COL11A2: variants seen among roughly 807,000 people sequenced by gnomAD.
COL11A2 encodes collagen type XI alpha 2 chain.
Under a neutral mutation model 273.4 loss-of-function variants are expected in COL11A2, and 116 were observed. The observed-to-expected ratio is 0.42, with a 90% CI of 0.36 to 0.49. COL11A2 has a LOEUF of 0.49. COL11A2 is among the 20% of genes least tolerant of loss of function. The pLI, the probability that COL11A2 is intolerant of heterozygous loss-of-function variation, is 0.00. For synonymous variants in COL11A2, 782 were observed against 864.2 expected (o/e 0.90, Z 1.67); for missense variants, 1,866 against 2,309.0 (o/e 0.81, Z 3.93).
Position 33,176,252 on chromosome 6 carries a change from T to G in COL11A2, c.2214+7A>C, listed in dbSNP as rs752340443. ...AGGTGCTGGGAAGCTGGGGGCATGG[T>G]GCTCACCTTCTCACCCTTATGACCC... On this transcript the variant is annotated splice_region_variant and intron_variant, in intron 28 of 65. Coordinates refer to ENST00000341947, the MANE Select transcript of COL11A2 (RefSeq NM_080680.3). This position sits in a 1 kb window ranked among gnomAD's most constrained non-coding sequence, Gnocchi z 4.9. 1 of 1,608,234 alleles carries G rather than the reference T, an allele frequency of 6.2e-7. No homozygotes were observed.
Position 33,169,045 on chromosome 6 carries a change from T to A in COL11A2, c.3799-37A>T, listed in dbSNP as rs1769643978. On this transcript the variant is annotated intron_variant, in intron 51 of 65. Transcript: ENST00000341947. This position sits in a 1 kb window ranked among gnomAD's most constrained non-coding sequence, Gnocchi z 5.5. ...GGAGAATAAGAGTCAGGGTCACAGC[T>A]CCCTAAGCCCACCCAGCACAGACGC... 2 of 1,580,826 alleles carry A rather than the reference T, an allele frequency of 1.3e-6. No homozygotes were observed. Among genetic ancestry groups the A allele is most frequent in the Middle Eastern group, 1.7e-4 (1 of 5,876 alleles).
chr6:33,167,495 G>C lies in COL11A2; in HGVS notation c.4053C>G (p.Gly1351=). The C allele has an allele frequency of 6.2e-7, 1 of 1,612,874 alleles. No individual in the cohort carries two copies. Among genetic ancestry groups the C allele is most frequent in the South Asian group, 1.1e-5 (1 of 91,086 alleles). ...CTGCTGGGCCTGCAGGACCCACCGG[G>C]CCTGTCTTCCCCGGGGCACCTATAG... The part of the protein sequence containing the change: ...PGAIGAPGKT[G]PVGPAGPAGK... Residue 1351 remains glycine (G), a synonymous_variant, in exon 56 of 66, where the codon GGC becomes GGG. Transcript: ENST00000341947. This position sits in a 1 kb window ranked among gnomAD's most constrained non-coding sequence, Gnocchi z 6.1.
chr6:33,167,704 G>A lies in COL11A2; in HGVS notation c.4014+95C>T. ...CTGTCCCCATAAGGGCCCAACATGG[G>A]AGAGGTGGAGATGGGGTGGGCATCT... On this transcript the variant is annotated intron_variant, in intron 55 of 65. Transcript: ENST00000341947. The surrounding 1 kb of genome is among the most constrained non-coding windows in gnomAD (Gnocchi z 6.1). 2 of 1,518,996 alleles carry A rather than the reference G, an allele frequency of 1.3e-6. No individual in the cohort carries two copies. The highest frequency in any genetic ancestry group is 9.1e-7 in the Non-Finnish European group (1 of 1,102,544). The allele number at this position is 1,518,996 out of a possible 1,614,324, so 94.1% of individuals were successfully genotyped here.
chr6:33,176,702 A>C lies in COL11A2; in HGVS notation c.2115+19T>G, dbSNP rs763768767. ...TGAGTGGAGACTCCCTCAGGGGATA[A>C]AGACATGGAAGATCTCACCTGGTTT... On this transcript the variant is annotated intron_variant, in intron 26 of 65. Coordinates refer to ENST00000341947, the MANE Select transcript of COL11A2 (RefSeq NM_080680.3). This position sits in a 1 kb window ranked among gnomAD's most constrained non-coding sequence, Gnocchi z 4.9. 2 of 1,611,652 alleles carry C rather than the reference A, an allele frequency of 1.2e-6. No homozygotes were observed. The highest frequency in any genetic ancestry group is 1.7e-6 in the Non-Finnish European group (2 of 1,178,676).
chr6:33,166,528 A>G lies in COL11A2; in HGVS notation c.4377T>C (p.Gly1459=). The change falls in exon 60 of 66, where the codon GGT becomes GGC. Residue 1459 remains glycine, a synonymous_variant. Coordinates refer to ENST00000341947, the MANE Select transcript of COL11A2 (RefSeq NM_080680.3). The surrounding 1 kb of genome is among the most constrained non-coding windows in gnomAD (Gnocchi z 4.8). ...CAGTACTCACGGGGAGGCCGGGGGG[A>G]CCTCCAGGACCAATGGGGCCGGATG... ...PGASGPIGPG[G]PPGLPGPAGP... is the part of the protein sequence containing the mutation. 6.2e-7 allele frequency: 1 copy of G among 1,613,130 alleles called. No homozygotes were observed. Among genetic ancestry groups the G allele is most frequent in the Non-Finnish European group, 8.5e-7 (1 of 1,179,636 alleles).
rs1583390137 is a variant in COL11A2, at chr6:33,190,746, G to A, written c.83-1277C>T. Among the ~76,000 whole-genome samples, 1 of 152,186 alleles carries A rather than the reference G, an allele frequency of 6.6e-6. No homozygotes were observed. Among genetic ancestry groups the A allele is most frequent in the East Asian group, 1.9e-4 (1 of 5,176 alleles). ...AGCTCCGCAAACACCAACACACAAG[G>A]GCCGCTTTGAGAGACGAAGGGTGAG... On this transcript the variant is annotated intron_variant, in intron 1 of 65. Transcript: ENST00000341947. The surrounding 1 kb of genome is among the most constrained non-coding windows in gnomAD (Gnocchi z 4.5).
chr6:33,184,357 G>A, intron 7 of COL11A2, 33 bp from the exon 8 acceptor site: 1 of 1,335,828 alleles, frequency 7.5e-7, no homozygotes, highest in Non-Finnish European at 1.0e-6. Flanking sequence ...AGGGGTAGAT[G>A]GGGATGTTAG....
intron 8 of COL11A2, 135 bp downstream of exon 8, chr6:33,184,010 A>T: frequency 1.4e-6 from 1 of 712,334 alleles, no homozygotes; most frequent in Non-Finnish European, 2.2e-6. Context: ...CATATACATC[A>T]TATGTGAACA....
rs1772865014 is a variant in COL11A2 at position 33,189,553 on chromosome 6, T to A, written c.83-84A>T. ...GGACATTTGGGATCTAGAACTCAGC[T>A]TTCCAGGGCTCAAACTCCCTGCAAG... is the stretch of plus-strand genomic sequence containing the variant. On this transcript the variant is annotated intron_variant, in intron 1 of 65. Transcript: ENST00000341947. This position sits in a 1 kb window ranked among gnomAD's most constrained non-coding sequence, Gnocchi z 5.6. 1.3e-6 allele frequency: 2 copies of A among 1,561,360 alleles called. No homozygotes were observed. Among genetic ancestry groups the A allele is most frequent in the East Asian group, 4.6e-5 (2 of 43,900 alleles).
rs755392165 is a variant in COL11A2 at position 33,164,393 on chromosome 6, G to A, written c.4944C>T (p.His1648=). 24 of 1,608,966 alleles carry A rather than the reference G, an allele frequency of 1.5e-5. No individual in the cohort carries two copies. The East Asian group carries it at 5.1e-4, about 34-fold the overall frequency. The change falls in exon 65 of 66, where the codon CAC becomes CAT. Residue 1648 remains histidine (H), a synonymous_variant. Coordinates refer to ENST00000341947, the MANE Select transcript of COL11A2 (RefSeq NM_080680.3). The surrounding 1 kb of genome is among the most constrained non-coding windows in gnomAD (Gnocchi z 4.7). ...TFLRLLSVSA[H]QDVSYPCSGA... is the part of the protein sequence containing the mutation. Reference sequence around the variant, plus strand: ...CAGAGCAGGGGTAGGAGACGTCCTGGTGGGCTGAGACGCTGAGCAGCCGCA... The same window carrying A: ...CAGAGCAGGGGTAGGAGACGTCCTGATGGGCTGAGACGCTGAGCAGCCGCA...
At position 33,189,188 on chromosome 6, in the gene COL11A2, C is replaced by T. The variant is rs532323721; in HGVS notation, c.233G>A (p.Gly78Glu). ...CAGAGAGAAATCTTTGGGAAATCCT[C>T]CTAGTAACCGAGAGAGATACACACA... ...LSAPTRQLFP[G>E]GFPKDFSLLT... is the part of the protein sequence containing the mutation. The change falls in exon 3 of 66, where the codon GGA (glycine) becomes GAA (glutamate). Residue 78 changes from glycine (G) to glutamate (E), a missense_variant and splice_region_variant. Physicochemically the swap from Gly to Glu is moderately conservative, Grantham distance 98. Transcript: ENST00000341947. The surrounding 1 kb of genome is among the most constrained non-coding windows in gnomAD (Gnocchi z 5.6). The T allele has an allele frequency of 1.9e-6, 3 of 1,613,824 alleles. No homozygotes were observed. The Admixed American group carries it at 5.0e-5, about 27-fold the overall frequency.
Position 33,179,738 on chromosome 6 carries a change from G to T in COL11A2, c.1427C>A (p.Ala476Glu), listed in dbSNP as rs373983482. 48 of 1,611,864 alleles carry T rather than the reference G, an allele frequency of 3.0e-5. No homozygotes were observed. Among genetic ancestry groups the T allele is most frequent in the Non-Finnish European group, 3.7e-5 (44 of 1,179,988 alleles). The change falls in exon 13 of 66, where the codon GCG (alanine) becomes GAG (glutamate). Residue 476 changes from alanine (A) to glutamate (E), a missense_variant. By Grantham distance (107) the Ala-to-Glu change is moderately radical (BLOSUM62 -1). Coordinates refer to ENST00000341947, the MANE Select transcript of COL11A2 (RefSeq NM_080680.3). This position sits in a 1 kb window ranked among gnomAD's most constrained non-coding sequence, Gnocchi z 6.4. Reference protein sequence around the residue: ...VVAAQEAQAQAILQQARLALR... With the variant: ...VVAAQEAQAQEILQQARLALR... Reference sequence around the variant, plus strand: ...ACTCACCCTCGCCTGCTGCAGGATCGCCTGGGCCTGAGCCTCCTGGGCCGC... The same window carrying T: ...ACTCACCCTCGCCTGCTGCAGGATCTCCTGGGCCTGAGCCTCCTGGGCCGC...
At position 33,175,403 on chromosome 6, in the gene COL11A2, T is replaced by A. The variant is rs939413167; in HGVS notation, c.2376+171A>T. 3.8e-5 allele frequency: 27 copies of A among 705,432 alleles called. No homozygotes were observed. In the African/African-American group the frequency reaches 4.5e-4, roughly 12 times the overall value. 43.7% of individuals were successfully genotyped at this position (705,432 alleles called of 1,614,324 possible). On this transcript the variant is annotated intron_variant, in intron 30 of 65. Transcript: ENST00000341947. Reference sequence around the variant, plus strand: ...GGACTTTTCCCTGACTTCTTATATATCCCCTCTGCCCATCAGCAGCTGAGA... The same window carrying A: ...GGACTTTTCCCTGACTTCTTATATAACCCCTCTGCCCATCAGCAGCTGAGA...
chr6:33,170,706 G>C lies in COL11A2; in HGVS notation c.3475-96C>G. 1.3e-6 allele frequency: 2 copies of C among 1,585,316 alleles called. No individual in the cohort carries two copies. Among genetic ancestry groups the C allele is most frequent in the Admixed American group, 3.3e-5 (2 of 59,902 alleles). On this transcript the variant is annotated intron_variant, in intron 46 of 65. Transcript: ENST00000341947. This position sits in a 1 kb window ranked among gnomAD's most constrained non-coding sequence, Gnocchi z 4.3. ...CCACAGTCCCCTCCCCTCAGACTCC[G>C]CAGGCCCTCCAGTCTGCATCGGCAG...
intron 8 of COL11A2, among the ~76,000 whole-genome samples, chr6:33,181,832 A>G (rs1476849146): frequency 3.3e-5 from 5 of 152,140 alleles, no homozygotes; most frequent in African/African-American, 1.2e-4. Context: ...CCTCTTCTAG[A>G]GGACCCTATC....
chr6:33,178,825 G>A lies in COL11A2; in HGVS notation c.1666-93C>T, dbSNP rs1432513808. ...CCTGAGCTGGGGGGGTGCTGATCCTGGGGAAGCCTGGAGAACTAGGTCATC... is the reference window on the plus strand; with the variant it reads ...CCTGAGCTGGGGGGGTGCTGATCCTAGGGAAGCCTGGAGAACTAGGTCATC... On this transcript the variant is annotated intron_variant, in intron 17 of 65. Transcript: ENST00000341947. This position sits in a 1 kb window ranked among gnomAD's most constrained non-coding sequence, Gnocchi z 4.6. The A allele has an allele frequency of 1.9e-6, 3 of 1,607,054 alleles. No homozygotes were observed. Among genetic ancestry groups the A allele is most frequent in the Non-Finnish European group, 2.6e-6 (3 of 1,174,834 alleles).
In COL11A2 at chr6:33,186,678, C is replaced by T; in HGVS notation, c.747G>A (p.Gln249=). ...GCCTGTGAAGTCTTGATGGTTGCTG[C>T]TGTGGAGATCTCTGGGCTCTGTGAG... ...QQPHRAQRSP[Q]QQPSRLHRPQ... Residue 249 remains glutamine, a synonymous_variant, in exon 5 of 66, where the codon CAG becomes CAA. Transcript: ENST00000341947. 1 of 1,614,046 alleles carries T rather than the reference C, an allele frequency of 6.2e-7. No individual in the cohort carries two copies. The highest frequency in any genetic ancestry group is 8.5e-7 in the Non-Finnish European group (1 of 1,179,994).
rs372881496 is a variant in COL11A2, at chr6:33,174,645, C to G, written c.2377-65G>C. 3,378 of 1,500,148 alleles carry G rather than the reference C, an allele frequency of 2.3e-3. 90 individuals are homozygous for G. In the South Asian group the frequency reaches 0.033, roughly 14 times the overall value. The allele number at this position is 1,500,148 out of a possible 1,614,324, so 92.9% of individuals were successfully genotyped here. ...CCAGATGCCACTCCACCCCTGGAGA[C>G]CTCAACCCTCACATATAACAGCCAG... is the stretch of plus-strand genomic sequence containing the variant. On this transcript the variant is annotated intron_variant, in intron 30 of 65. Transcript: ENST00000341947.
In COL11A2 at chr6:33,167,095, C is replaced by A; in HGVS notation, c.4205G>T (p.Gly1402Val). 1 of 1,614,048 alleles carries A rather than the reference C, an allele frequency of 6.2e-7. No individual in the cohort carries two copies. Among genetic ancestry groups the A allele is most frequent in the Non-Finnish European group, 8.5e-7 (1 of 1,180,002 alleles). Residue 1402 changes from glycine (G) to valine (V), a missense_variant, in exon 58 of 66, where the codon GGC becomes GTC. Transcript: ENST00000341947. The surrounding 1 kb of genome is among the most constrained non-coding windows in gnomAD (Gnocchi z 6.1). ...VGPPGLPGLR[G>V]DAGAKGEKGH... ...CTTCTCTCCCTTGGCTCCAGCATCG[C>A]CCCGGAGACCAGGCAGCCCTGGGGG...
Sources: allele counts gnomAD v4.1 joint callset (sites outside exome capture counted in the v4.1 genomes callset), GRCh38; gene constraint gnomAD v4.1.1; non-coding constraint Gnocchi (gnomAD v3.1); transcripts MANE v1.5; gene names NCBI Gene and HGNC (gene_info 2026-07-23, HGNC 2026-07-21).